The following DOCK4 variants were observed in gnomAD, a reference collection of about 807,000 sequenced individuals.
DOCK4 encodes the protein dedicator of cytokinesis protein 4.
Under a neutral mutation model 268.1 loss-of-function variants are expected in DOCK4, and 97 were observed. The ratio of observed to expected loss-of-function variants is 0.36; its 90% CI spans 0.31 to 0.43. The LOEUF is 0.43. Ranked by LOEUF, DOCK4 falls within the 20% of genes least tolerant of loss-of-function variation. The probability of loss-of-function intolerance (pLI) is 1.00; values close to 1 mark genes in which losing one functional copy is unlikely to be tolerated. For synonymous variants in DOCK4, 954 were observed against 887.2 expected, an observed-to-expected ratio of 1.08 and a Z score of -1.34; for missense variants, 2,145 against 2,455.7, an observed-to-expected ratio of 0.87 and a Z score of 2.67.
intron 1 of DOCK4, among the ~76,000 whole-genome samples, chr7:112,149,236 C>T (rs1432186901): frequency 6.6e-6 from 1 of 151,972 alleles, no homozygotes; most frequent in Non-Finnish European, 1.5e-5. Context: ...GCCATCCCTT[C>T]GTCATTATGG....
intron 1 of DOCK4, among the ~76,000 whole-genome samples, chr7:112,017,812 T>C (rs963130995): frequency 1.3e-5 from 2 of 152,104 alleles, no homozygotes; most frequent in Non-Finnish European, 2.9e-5. Flanking sequence ...TGAAGACTCA[T>C]GTCTTCTGGG....
chr7:111,752,195 T>C (rs1796703102), intron 42 of DOCK4, among the ~76,000 whole-genome samples: 1 of 152,176 alleles, frequency 6.6e-6, no homozygotes, highest in African/African-American at 2.4e-5. Context: ...TGAAACAAAA[T>C]TGGCTTGATG....
At chr7:112,191,461 C>CA (rs947003654) in intron 1 of DOCK4, among the ~76,000 whole-genome samples, 6 of 152,052 alleles carry the variant, frequency 3.9e-5, no homozygotes, top group African/African-American at 9.7e-5. Flanking sequence ...CCCCACCCAC[C>CA]AGCAGTCAGC....
chr7:111,852,260 A>T (rs1296181671), intron 23 of DOCK4, among the ~76,000 whole-genome samples: 2 of 152,090 alleles, frequency 1.3e-5, no homozygotes, highest in African/African-American at 4.8e-5. Flanking sequence ...CACCATACTC[A>T]GCCGGAGTCT....
intron 6 of DOCK4, 132 bp downstream of exon 6, chr7:111,988,883 G>T: frequency 7.7e-7 from 1 of 1,305,474 alleles, no homozygotes; most frequent in Non-Finnish European, 1.0e-6. Context: ...TTCGCACTAA[G>T]CCTCCAAAAA....
At chr7:111,857,706 G>A (rs970386616) in intron 23 of DOCK4, among the ~76,000 whole-genome samples, 3 of 152,134 alleles carry the variant, frequency 2.0e-5, no homozygotes, top group South Asian at 2.1e-4. Flanking sequence ...CTGACCTCGC[G>A]AAGTCCGGCA....
chr7:112,134,563 CA>C (rs60590142), intron 1 of DOCK4, among the ~76,000 whole-genome samples: 84,634 of 151,642 alleles, frequency 0.56, 25,057 homozygotes, highest in African/African-American at 0.78. Context: ...ACTAAAAATA[CA>C]AAAAAAATCA....
chr7:112,199,458 T>C (rs960963810), intron 1 of DOCK4, among the ~76,000 whole-genome samples: 1 of 152,178 alleles, frequency 6.6e-6, no homozygotes, highest in Non-Finnish European at 1.5e-5. Flanking sequence ...TGATGATTTT[T>C]ATTTACTTAG....
chr7:111,792,884 G>A (rs4730501), intron 30 of DOCK4, among the ~76,000 whole-genome samples: 62,702 of 152,018 alleles, frequency 0.41, 17,164 homozygotes, highest in African/African-American at 0.77. Flanking sequence ...GTGCTATGAG[G>A]TGTTGGCAAG....
intron 22 of DOCK4, among the ~76,000 whole-genome samples, chr7:111,866,157 C>T (rs1276116963): frequency 1.3e-5 from 2 of 152,176 alleles, no homozygotes; most frequent in African/African-American, 4.8e-5. Flanking sequence ...ACTAACACAT[C>T]GGATCCATTG....
At chr7:111,741,503 G>A in intron 46 of DOCK4, 37 bp downstream of exon 46, 1 of 1,606,204 alleles carries the variant, frequency 6.2e-7, no homozygotes. Context: ...GCTTGCGGGT[G>A]AGGCCAAATT....
At chr7:112,037,638 A>C (rs1803933628) in intron 1 of DOCK4, among the ~76,000 whole-genome samples, 1 of 152,232 alleles carries the variant, frequency 6.6e-6, no homozygotes, top group African/African-American at 2.4e-5. Flanking sequence ...TCCTTTTAAA[A>C]TTTATTATTC....
At chr7:112,014,073 C>T (rs145173755) in intron 1 of DOCK4, among the ~76,000 whole-genome samples, 175 of 152,302 alleles carry the variant, frequency 1.1e-3, no homozygotes, top group African/African-American at 4.1e-3. Flanking sequence ...TGGTTACTCT[C>T]CATGTGCCAG....
intron 42 of DOCK4, among the ~76,000 whole-genome samples, chr7:111,751,635 G>A (rs1037516278): frequency 9.2e-5 from 14 of 152,154 alleles, no homozygotes; most frequent in African/African-American, 3.4e-4. Flanking sequence ...TGTAGCGACA[G>A]GGTTTTGCCA....
chr7:111,893,776 A>T (rs748545041), intron 16 of DOCK4, among the ~76,000 whole-genome samples: 4 of 152,242 alleles, frequency 2.6e-5, no homozygotes, highest in Non-Finnish European at 5.9e-5. Context: ...GGCCAGAAAC[A>T]GAAGGATTTG....
At chr7:112,202,962 T>C (rs1341025489) in intron 1 of DOCK4, among the ~76,000 whole-genome samples, 1 of 152,172 alleles carries the variant, frequency 6.6e-6, no homozygotes, top group Non-Finnish European at 1.5e-5. Context: ...ACCTCTGATC[T>C]TACTTAAAAA....
intron 39 of DOCK4, among the ~76,000 whole-genome samples, chr7:111,762,973 G>GCCCAGGCTGGT (rs1797547677): frequency 1.3e-5 from 2 of 151,526 alleles, no homozygotes; most frequent in Admixed American, 1.3e-4. Context: ...TCACTATGTT[G>GCCCAGGCTGGT]CCCAGGCTGG....
chr7:111,887,814 G>A (rs918291149), intron 16 of DOCK4, among the ~76,000 whole-genome samples: 3 of 151,924 alleles, frequency 2.0e-5, no homozygotes, highest in Admixed American at 1.3e-4. Flanking sequence ...GAATACTGCT[G>A]GAAGAGATGC....
intron 7 of DOCK4, 129 bp from the exon 8 acceptor site, chr7:111,977,412 G>C (rs1184692350): frequency 2.0e-6 from 2 of 1,007,536 alleles, no homozygotes; most frequent in African/African-American, 3.3e-5. Context: ...CTGTGGATTT[G>C]GTATCTAAAT....
Sources: gnomAD v4.1 joint callset for allele counts (sites outside exome capture counted in the v4.1 genomes callset) on GRCh38, gnomAD v4.1.1 for gene constraint, MANE v1.5 for transcripts, NCBI Gene and HGNC (gene_info 2026-07-23, HGNC 2026-07-21) for gene names.